MCM3AP: variants seen among roughly 807,000 people sequenced by gnomAD.
The protein encoded by MCM3AP is minichromosome maintenance complex component 3 associated protein.
In MCM3AP, 126 loss-of-function variants were observed where a neutral mutation model predicts 184.1. The ratio of observed to expected loss-of-function variants is 0.68; its 90% CI spans 0.59 to 0.79. The LOEUF is 0.79. MCM3AP is among the 30% of genes least tolerant of loss of function. MCM3AP has a pLI of 0.00. For missense variants in MCM3AP, 2,496 were observed against 2,479.2 expected, an observed-to-expected ratio of 1.01 and a Z score of -0.14; for synonymous variants, 1,002 against 979.3, an observed-to-expected ratio of 1.02 and a Z score of -0.43.
intron 27 of MCM3AP, among the ~76,000 whole-genome samples, chr21:46,235,859 C>T (rs1379596012): frequency 1.3e-5 from 2 of 152,068 alleles, no homozygotes; most frequent in Non-Finnish European, 2.9e-5. Flanking sequence ...ACTCAAGCTC[C>T]TGGACTTAAG....
At chr21:46,279,704 C>G (rs1473747164) in intron 4 of MCM3AP, among the ~76,000 whole-genome samples, 1 of 151,350 alleles carries the variant, frequency 6.6e-6, no homozygotes, top group Non-Finnish European at 1.5e-5. Context: ...TATATGAGAA[C>G]AAGACAGGAC....
intron 22 of MCM3AP, among the ~76,000 whole-genome samples, chr21:46,245,793 G>A (rs1433469978): frequency 6.6e-6 from 1 of 152,040 alleles, no homozygotes; most frequent in Non-Finnish European, 1.5e-5. Flanking sequence ...GAGCCACCAC[G>A]CCCAGCTTCA....
intron 17 of MCM3AP, 42 bp downstream of exon 17, chr21:46,256,747 G>T (rs2080956037): frequency 6.5e-7 from 1 of 1,530,984 alleles, no homozygotes; most frequent in East Asian, 2.5e-5. Context: ...ACCAAGTGGG[G>T]GCAGGGGAGC....
Position 46,272,633 on chromosome 21 carries a change from A to G in MCM3AP, c.2393T>C (p.Val798Ala). ...GAACTCCGCTTCGCTGGCACAGAAG[A>G]CACCCTTGTTTCTCAGGTCCTGGTA... ...EMYQDLRNKG[V>A]FCASEAEFQG... The change falls in exon 8 of 28, where the codon GTC becomes GCC. Residue 798 changes from valine to alanine, a missense_variant. Val to Ala is a moderately conservative substitution (Grantham distance 64). This residue lies in a region of MCM3AP where 105 missense variants were observed against 97.1 expected (regional missense o/e 1.08). Transcript: ENST00000291688. 6.2e-7 allele frequency: 1 copy of G among 1,614,144 alleles called. No individual in the cohort carries two copies. The highest frequency in any genetic ancestry group is 8.5e-7 in the Non-Finnish European group (1 of 1,180,014).
At position 46,251,616 on chromosome 21, in the gene MCM3AP, G is replaced by A. The variant is rs762028193; in HGVS notation, c.4203C>T (p.Ser1401=). 20 of 1,609,940 alleles carry A rather than the reference G, an allele frequency of 1.2e-5. No homozygotes were observed. Among genetic ancestry groups the A allele is most frequent in the Middle Eastern group, 1.6e-4 (1 of 6,068 alleles). The change falls in exon 20 of 28, where the codon AGC becomes AGT. Residue 1401 remains serine, a synonymous_variant. Coordinates refer to ENST00000291688, the MANE Select transcript of MCM3AP (RefSeq NM_003906.5). ...AAAGCGTCTGAATCCCACCAGCATC[G>A]CTGGATGTGTCATCCACTGAGCCTT... ...GDEGSVDDTS[S]DAGGIQTLSL...
chr21:46,261,672 G>A (rs1433451504), intron 13 of MCM3AP, among the ~76,000 whole-genome samples: 1 of 150,318 alleles, frequency 6.7e-6, no homozygotes, highest in Non-Finnish European at 1.5e-5. Flanking sequence ...GCGGGAGACT[G>A]CAGTGAGCCA....
rs1265480389 is a variant in MCM3AP at position 46,280,484 on chromosome 21, A to G, written c.1522+13T>C. ...ATTTTTTTAAAAAGTGAAAAGAATA[A>G]TTGAAAACTCACTTATTTTCTTCCT... On this transcript the variant is annotated intron_variant, in intron 3 of 27. Coordinates refer to ENST00000291688, the MANE Select transcript of MCM3AP (RefSeq NM_003906.5). 1 of 1,572,330 alleles carries G rather than the reference A, an allele frequency of 6.4e-7. No homozygotes were observed. Among genetic ancestry groups the G allele is most frequent in the Non-Finnish European group, 8.7e-7 (1 of 1,148,940 alleles).
rs866893046 is a variant in MCM3AP, at chr21:46,270,668, G to A, written c.2466-105C>T. On this transcript the variant is annotated intron_variant, in intron 8 of 27. Coordinates refer to ENST00000291688, the MANE Select transcript of MCM3AP (RefSeq NM_003906.5). The stretch of plus-strand genomic sequence containing the variant: ...TAATAGATTTCACTGGCCAGATGCA[G>A]TGGCTCACACCTGTAATCCCAAAAC... 1.2e-5 allele frequency: 12 copies of A among 1,020,472 alleles called. No individual in the cohort carries two copies. In the Middle Eastern group the frequency reaches 1.3e-3, roughly 112 times the overall value. The allele number at this position is 1,020,472 out of a possible 1,614,324, so 63.2% of individuals were successfully genotyped here.
chr21:46,256,608 A>G (rs911024838), intron 17 of MCM3AP, 181 bp downstream of exon 17: 3 of 692,066 alleles, frequency 4.3e-6, no homozygotes, highest in Non-Finnish European at 7.1e-6. Context: ...ACATGTCCAC[A>G]ACTGTGGGAG....
chr21:46,255,199 T>G (rs2080931564), intron 17 of MCM3AP, among the ~76,000 whole-genome samples: 2 of 151,388 alleles, frequency 1.3e-5, no homozygotes, highest in Admixed American at 6.6e-5. Context: ...CTCAGGGTGG[T>G]CAGGTGATAT....
In MCM3AP at chr21:46,237,849, C is replaced by A. The variant is rs2080573389; in HGVS notation, c.5634-870G>T. Among the ~76,000 whole-genome samples, 2 of 115,172 alleles carry A rather than the reference C, an allele frequency of 1.7e-5. 1 individual carries two copies. The highest frequency in any genetic ancestry group is 3.6e-5 in the Non-Finnish European group (2 of 55,100). 75.6% of individuals were successfully genotyped at this position (115,172 alleles called of 152,430 possible). ...GCTCGGTGGCTCATGCCTGTAATCC[C>A]AACACTTTGGGAGGCCGAGGCGGGC... On this transcript the variant is annotated intron_variant, in intron 26 of 27. Coordinates refer to ENST00000291688, the MANE Select transcript of MCM3AP (RefSeq NM_003906.5).
At chr21:46,278,274 TA>T (rs536647981) in intron 4 of MCM3AP, among the ~76,000 whole-genome samples, 106 of 151,986 alleles carry the variant, frequency 7.0e-4, no homozygotes, top group Non-Finnish European at 1.3e-3. Context: ...CATAAGGAAA[TA>T]TTAAGCCTAC....
intron 5 of MCM3AP, among the ~76,000 whole-genome samples, chr21:46,276,431 T>G (rs1374729272): frequency 2.0e-5 from 3 of 152,008 alleles, no homozygotes; most frequent in Non-Finnish European, 4.4e-5. Flanking sequence ...AAGAGGAAAC[T>G]CCTATAGCTG....
intron 5 of MCM3AP, among the ~76,000 whole-genome samples, chr21:46,276,693 G>C (rs980813991): frequency 8.7e-5 from 13 of 150,020 alleles, no homozygotes; most frequent in Admixed American, 1.3e-4. Flanking sequence ...CACCAGCCTC[G>C]ACCTCCTAAA....
Position 46,285,167 on chromosome 21 carries a change from T to C in MCM3AP, c.120A>G (p.Gly40=). The part of the protein sequence containing the change: ...PFRFGQPSLF[G]QNSTLSGKSS... Reference sequence around the variant, plus strand: ...TCTTCCCAGATAAGGTACTGTTTTGTCCAAAAAGAGAAGGTTGACCAAATC... The same window carrying C: ...TCTTCCCAGATAAGGTACTGTTTTGCCCAAAAAGAGAAGGTTGACCAAATC... Residue 40 remains glycine (G), a synonymous_variant, in exon 1 of 28, where the codon GGA becomes GGG. Transcript: ENST00000291688. 2 of 1,614,150 alleles carry C rather than the reference T, an allele frequency of 1.2e-6. No individual in the cohort carries two copies. The highest frequency in any genetic ancestry group is 2.7e-5 in the African/African-American group (2 of 75,044).
At chr21:46,258,197 G>A (rs1376025472) in intron 16 of MCM3AP, among the ~76,000 whole-genome samples, 1 of 152,066 alleles carries the variant, frequency 6.6e-6, no homozygotes, top group Non-Finnish European at 1.5e-5. Context: ...AATGGACAGG[G>A]GTCTGTTGTA....
chr21:46,265,930 G>A lies in MCM3AP; in HGVS notation c.3026C>T (p.Thr1009Ile), dbSNP rs777184183. Residue 1009 changes from threonine to isoleucine, a missense_variant, in exon 11 of 28, where the codon ACA (threonine) becomes ATA (isoleucine). Around this residue, in one of 5 missense-constraint regions of MCM3AP, gnomAD observed 1,323 missense variants for 1,273.4 expected, o/e 1.04. Coordinates refer to ENST00000291688, the MANE Select transcript of MCM3AP (RefSeq NM_003906.5). ...PVSTQRPGSD[T>I]VGGGRGEECG... is the part of the protein sequence containing the mutation. ...ACGACTGCAGCTTCACTCACCCACT[G>A]TGTCGGAGCCGGGTCTCTGGGTGCT... 4 of 1,570,120 alleles carry A rather than the reference G, an allele frequency of 2.5e-6. No homozygotes were observed. The highest frequency in any genetic ancestry group is 3.5e-6 in the Non-Finnish European group (4 of 1,153,620).
chr21:46,243,118 TCC>T (rs2080700446), intron 24 of MCM3AP, 187 bp from the exon 25 acceptor site: 2 of 619,474 alleles, frequency 3.2e-6, no homozygotes, highest in African/African-American at 1.8e-5. Flanking sequence ...TTATGTGACT[TCC>T]ACACTTGGGT....
Position 46,260,801 on chromosome 21 carries a change from C to T in MCM3AP, c.3573G>A (p.Gln1191=). 6.2e-7 allele frequency: 1 copy of T among 1,613,294 alleles called. No individual in the cohort carries two copies. Among genetic ancestry groups the T allele is most frequent in the Non-Finnish European group, 8.5e-7 (1 of 1,179,210 alleles). ...MMEFVRETCS[Q]ELKNAVETDQ... ...ACCAGCGTTTCACTTACTTCAACTC[C>T]TGGGAGCAGGTTTCCCTCACAAACT... Residue 1191 remains glutamine, a synonymous_variant, in exon 15 of 28, where the codon CAG becomes CAA. Transcript: ENST00000291688.
Sources: allele counts gnomAD v4.1 joint callset (sites outside exome capture counted in the v4.1 genomes callset), GRCh38; gene constraint gnomAD v4.1.1; regional missense constraint gnomAD v4.1.1; transcripts MANE v1.5; gene names NCBI Gene and HGNC (gene_info 2026-07-23, HGNC 2026-07-21).